PCDHGA6: variants seen among roughly 807,000 people sequenced by gnomAD.
PCDHGA6 encodes the protein protocadherin gamma subfamily A, 6, also known as protocadherin gamma-A6.
In PCDHGA6, 41 loss-of-function variants were observed where a neutral mutation model predicts 60.6. The observed-to-expected ratio is 0.68, with a 90% confidence interval of 0.53 to 0.88. PCDHGA6 has a LOEUF of 0.88. PCDHGA6 is among the 40% of genes least tolerant of loss of function. The pLI, the probability that PCDHGA6 is intolerant of heterozygous loss-of-function variation, is 0.00. For synonymous variants in PCDHGA6, 594 were observed against 524.4 expected, an observed-to-expected ratio of 1.13 and a Z score of -1.81; for missense variants, 1,312 against 1,203.0, an observed-to-expected ratio of 1.09 and a Z score of -1.34.
chr5:141,458,972 GTCC>G (rs2154566422), intron 1 of PCDHGA6, among the ~76,000 whole-genome samples: 1 of 151,882 alleles, frequency 6.6e-6, no homozygotes, highest in East Asian at 1.9e-4. Context: ...GCCTCAAGCA[GTCC>G]TCCTGCCTCA....
intron 3 of PCDHGA6, among the ~76,000 whole-genome samples, chr5:141,509,568 C>T (rs535982453): frequency 3.3e-5 from 5 of 152,336 alleles, no homozygotes; most frequent in Admixed American, 2.0e-4. Flanking sequence ...GCAGCCTTCA[C>T]AGTGCGTACA....
chr5:141,422,188 C>T, intron 1 of PCDHGA6: 1 of 1,561,742 alleles, frequency 6.4e-7, no homozygotes. Context: ...GATGGAAATT[C>T]AAGGCCAAGA....
At chr5:141,389,525 CGT>C in intron 1 of PCDHGA6, 1 of 1,613,170 alleles carries the variant, frequency 6.2e-7, no homozygotes, top group Non-Finnish European at 8.5e-7. Context: ...TGAGCCTGCG[CGT>C]GTTAGTGGAC....
At chr5:141,438,362 T>C (rs1471364176) in intron 1 of PCDHGA6, among the ~76,000 whole-genome samples, 1 of 151,850 alleles carries the variant, frequency 6.6e-6, no homozygotes, top group East Asian at 1.9e-4. Flanking sequence ...TGTATTGTCA[T>C]TGAGGGCAGA....
At chr5:141,462,596 A>G (rs1260411284) in intron 1 of PCDHGA6, among the ~76,000 whole-genome samples, 5 of 151,922 alleles carry the variant, frequency 3.3e-5, no homozygotes, top group African/African-American at 1.2e-4. Flanking sequence ...TTTCCATTTC[A>G]TATATTGTAT....
chr5:141,433,406 T>TC (rs397794347), intron 1 of PCDHGA6, among the ~76,000 whole-genome samples: 446 of 150,100 alleles, frequency 3.0e-3, no homozygotes, highest in African/African-American at 0.01. Context: ...TATCTATCTA[T>TC]TACTTTCTTG....
chr5:141,499,485 A>G (rs1278629076), intron 2 of PCDHGA6, among the ~76,000 whole-genome samples: 2 of 152,226 alleles, frequency 1.3e-5, no homozygotes, highest in Non-Finnish European at 2.9e-5. Flanking sequence ...ACCACCAACT[A>G]CAGTTTAATA....
chr5:141,471,206 T>C (rs113465424), intron 1 of PCDHGA6: 16,891 of 151,686 alleles, frequency 0.11, 970 homozygotes, highest in South Asian at 0.15. Context: ...CCCACCCCCA[T>C]GCCTGGCAAT....
intron 1 of PCDHGA6, chr5:141,413,768 TG>T (rs1158107882): frequency 2.5e-6 from 4 of 1,613,132 alleles, no homozygotes; most frequent in Non-Finnish European, 3.4e-6. Context: ...TACCCGGAGC[TG>T]GTACTGGAGC....
intron 1 of PCDHGA6, chr5:141,478,018 C>G: frequency 6.2e-7 from 1 of 1,614,124 alleles, no homozygotes; most frequent in Non-Finnish European, 8.5e-7. Flanking sequence ...CCCGTCCAGT[C>G]CAAGACACAG....
At chr5:141,389,564 G>A in intron 1 of PCDHGA6, 1 of 1,613,244 alleles carries the variant, frequency 6.2e-7, no homozygotes, top group East Asian at 2.2e-5. Context: ...CGCCACGGGT[G>A]CTGTACCCCG....
At chr5:141,384,287 A>G in intron 1 of PCDHGA6, 1 of 1,613,838 alleles carries the variant, frequency 6.2e-7, no homozygotes, top group South Asian at 1.1e-5. Context: ...TACATCGCTG[A>G]GAACAACCCC....
intron 1 of PCDHGA6, chr5:141,402,972 G>A (rs758148844): frequency 6.2e-7 from 1 of 1,608,316 alleles, no homozygotes; most frequent in Non-Finnish European, 8.5e-7. Context: ...CCAACCAAAT[G>A]CCAGCTCCGC....
At position 141,393,784 on chromosome 5, in the gene PCDHGA6, T is replaced by A. The variant is rs1554094164; in HGVS notation, c.2424+17277T>A. 3 of 1,613,864 alleles carry A rather than the reference T, an allele frequency of 1.9e-6. No homozygotes were observed. The South Asian group carries it at 3.3e-5, about 18-fold the overall frequency. ...GAAATGGAAATACAAGCCGAAGATG[T>A]GGGGGCACTTCTGGGGAGGACCAAA... On this transcript the variant is annotated intron_variant, in intron 1 of 3. Coordinates refer to ENST00000517434, the MANE Select transcript of PCDHGA6 (RefSeq NM_018919.3).
At chr5:141,499,057 A>G (rs1361057448) in intron 2 of PCDHGA6, among the ~76,000 whole-genome samples, 1 of 152,036 alleles carries the variant, frequency 6.6e-6, no homozygotes, top group Non-Finnish European at 1.5e-5. Flanking sequence ...GAAAAAATGA[A>G]GAAGACTTAC....
In PCDHGA6 at chr5:141,476,501, A is replaced by G; in HGVS notation, c.2425-18306A>G. 1.2e-6 allele frequency: 2 copies of G among 1,614,026 alleles called. No homozygotes were observed. Among genetic ancestry groups the G allele is most frequent in the Non-Finnish European group, 1.7e-6 (2 of 1,180,006 alleles). On this transcript the variant is annotated intron_variant, in intron 1 of 3. Coordinates refer to ENST00000517434, the MANE Select transcript of PCDHGA6 (RefSeq NM_018919.3). The surrounding 1 kb of genome is among the most constrained non-coding windows in gnomAD (Gnocchi z 7.6). ...CGTGGAAGTGGTGATCCAGGACATCAACGACAACAATCCTGCTTTCCCTAC... is the reference window on the plus strand; with the variant it reads ...CGTGGAAGTGGTGATCCAGGACATCGACGACAACAATCCTGCTTTCCCTAC...
intron 1 of PCDHGA6, chr5:141,389,608 T>C (rs1458951980): frequency 1.9e-6 from 3 of 1,613,138 alleles, no homozygotes; most frequent in East Asian, 2.2e-5. Context: ...CTCTTCGATA[T>C]GGTGCCGCAC....
intron 1 of PCDHGA6, chr5:141,428,113 T>G: frequency 3.7e-6 from 6 of 1,607,492 alleles, no homozygotes; most frequent in Non-Finnish European, 5.1e-6. Context: ...CTGCAGGCCA[T>G]CGAGCCCGGG....
intron 1 of PCDHGA6, among the ~76,000 whole-genome samples, chr5:141,450,616 A>G (rs2098687684): frequency 6.6e-6 from 1 of 151,486 alleles, no homozygotes; most frequent in African/African-American, 2.4e-5. Flanking sequence ...CCTCCTGAGT[A>G]GCTGGGATTA....
Sources: allele counts gnomAD v4.1 joint callset (sites outside exome capture counted in the v4.1 genomes callset), GRCh38; gene constraint gnomAD v4.1.1; non-coding constraint Gnocchi (gnomAD v3.1); transcripts MANE v1.5; gene names NCBI Gene and HGNC (gene_info 2026-07-23, HGNC 2026-07-21).